The following UROS variants were observed in gnomAD, a reference collection of about 807,000 sequenced individuals.
UROS encodes uroporphyrinogen-III synthase.
A neutral mutation model predicts 33.0 loss-of-function variants in UROS; 18 were observed. That is an observed-to-expected ratio of 0.55 (90% CI 0.38 to 0.81). The LOEUF is 0.81. Among genes scored for constraint, UROS ranks in the 30% least tolerant of loss-of-function variants. UROS has a pLI of 0.00. For missense variants in UROS, 293 were observed against 314.9 expected, an observed-to-expected ratio of 0.93 and a Z score of 0.53; for synonymous variants, 114 against 121.1, an observed-to-expected ratio of 0.94 and a Z score of 0.38.
At chr10:125,822,279 C>T (rs1227772628) in intron 1 of UROS, among the ~76,000 whole-genome samples, 4 of 151,932 alleles carry the variant, frequency 2.6e-5, no homozygotes. Context: ...TCCAAATAGG[C>T]TCGGGTCTTT....
At chr10:125,792,664 CG>C (rs1172250275) in intron 9 of UROS, 1 of 152,228 alleles carries the variant, frequency 6.6e-6, no homozygotes, top group Admixed American at 6.5e-5. Flanking sequence ...AAGTTCAGGT[CG>C]GAAGTCACCC....
chr10:125,820,501 T>C (rs1265765814), intron 1 of UROS, among the ~76,000 whole-genome samples: 1 of 152,186 alleles, frequency 6.6e-6, no homozygotes, highest in African/African-American at 2.4e-5. Flanking sequence ...AGTCTATCCA[T>C]TCAAATGCTC....
intron 9 of UROS, chr10:125,793,039 G>A (rs1489860802): frequency 3.9e-5 from 6 of 152,198 alleles, no homozygotes; most frequent in African/African-American, 1.4e-4. Flanking sequence ...GAGGCGAGGG[G>A]GCTACTGAGA....
At chr10:125,796,651 G>T in intron 7 of UROS, 1 of 495,898 alleles carries the variant, frequency 2.0e-6, no homozygotes, top group Non-Finnish European at 2.6e-6. Context: ...CCCTCTCTGG[G>T]CCTCAGTGTG....
intron 1 of UROS, among the ~76,000 whole-genome samples, chr10:125,820,260 G>C (rs1853757154): frequency 6.6e-6 from 1 of 152,226 alleles, no homozygotes; most frequent in South Asian, 2.1e-4. Flanking sequence ...CTGGAGACTT[G>C]TTAGCAGGAA....
chr10:125,815,094 T>C lies in UROS; in HGVS notation c.184A>G (p.Thr62Ala), dbSNP rs28941775. The C allele has an allele frequency of 4.3e-6, 7 of 1,614,176 alleles. No individual in the cohort carries two copies. In the East Asian group the frequency reaches 8.9e-5, roughly 21 times the overall value. Residue 62 changes from threonine to alanine, a missense_variant, in exon 4 of 10, where the codon ACC becomes GCC. Physicochemically the swap from Thr to Ala is moderately conservative, Grantham distance 58. Coordinates refer to ENST00000368797, the MANE Select transcript of UROS (RefSeq NM_000375.3). Reference sequence around the variant, plus strand: ...GCTGCTTCCACTGCTCTGGGGCTGGTAAAAATGAGTCCCCCGTAATCTTCA... The same window carrying C: ...GCTGCTTCCACTGCTCTGGGGCTGGCAAAAATGAGTCCCCCGTAATCTTCA... ...HPEDYGGLIF[T>A]SPRAVEAAEL...
At chr10:125,798,459 T>C (rs952542088) in intron 6 of UROS, among the ~76,000 whole-genome samples, 10 of 152,228 alleles carry the variant, frequency 6.6e-5, no homozygotes, top group African/African-American at 2.2e-4. Flanking sequence ...GCAGTCACTA[T>C]TTAGAAGGCA....
chr10:125,816,878 T>C (rs771752905), intron 1 of UROS, among the ~76,000 whole-genome samples: 12 of 152,352 alleles, frequency 7.9e-5, no homozygotes, highest in Non-Finnish European at 1.6e-4. Flanking sequence ...TTTAAGGAGA[T>C]AAATAGCTTT....
intron 1 of UROS, among the ~76,000 whole-genome samples, chr10:125,817,511 T>C (rs925035537): frequency 2.0e-5 from 3 of 152,188 alleles, no homozygotes; most frequent in South Asian, 4.1e-4. Context: ...AGCTCTGGTC[T>C]CAGCTTTATG....
chr10:125,807,576 T>C, intron 5 of UROS, 89 bp from the exon 6 acceptor site: 1 of 983,010 alleles, frequency 1.0e-6, no homozygotes, highest in Non-Finnish European at 1.6e-6. Flanking sequence ...AATACACAGG[T>C]ATGCAGTTTA....
chr10:125,802,931 G>T (rs992044023), intron 6 of UROS: 220 of 1,611,370 alleles, frequency 1.4e-4, no homozygotes, highest in Non-Finnish European at 1.7e-4. Context: ...CAAGGATGCG[G>T]CTAAACCCCA....
intron 5 of UROS, among the ~76,000 whole-genome samples, chr10:125,810,365 C>T (rs1024854398): frequency 6.6e-6 from 1 of 152,184 alleles, no homozygotes; most frequent in Non-Finnish European, 1.5e-5. Context: ...GTAGCCCTCT[C>T]GGGAGGCCCA....
chr10:125,807,312 C>G (rs191886225), intron 6 of UROS, 101 bp downstream of exon 6: 734 of 1,029,600 alleles, frequency 7.1e-4, no homozygotes, highest in Non-Finnish European at 9.9e-4. Context: ...ATCAATCTCA[C>G]CACCAAGAAT....
intron 1 of UROS, among the ~76,000 whole-genome samples, chr10:125,819,453 A>C (rs942580321): frequency 2.6e-5 from 4 of 152,152 alleles, no homozygotes; most frequent in South Asian, 2.1e-4. Flanking sequence ...TCAGATGGTA[A>C]GGGATCTCTA....
In UROS at chr10:125,789,795, C is replaced by T. The variant is rs189582413; in HGVS notation, c.661-790G>A. ...GAGCACTGCTTCTGTCCCGGCTCTGCCCCCTGCTAGCTGTTATTAGTGCAA... is the reference window on the plus strand; with the variant it reads ...GAGCACTGCTTCTGTCCCGGCTCTGTCCCCTGCTAGCTGTTATTAGTGCAA... On this transcript the variant is annotated intron_variant, in intron 9 of 9. Transcript: ENST00000368797. 1.6e-4 allele frequency among the ~76,000 whole-genome samples: 25 copies of T among 152,306 alleles called. No individual in the cohort carries two copies. The East Asian group carries it at 4.6e-3, about 28-fold the overall frequency.
At chr10:125,785,295 G>A (rs1044046858), downstream of UROS, 1 of 152,184 alleles carries the variant, frequency 6.6e-6, no homozygotes, top group African/African-American at 2.4e-5. Flanking sequence ...TGATGTCAGA[G>A]GTGTGCATCT....
chr10:125,788,734 C>T lies in UROS; in HGVS notation c.*134G>A, dbSNP rs1019448325. 2.1e-6 allele frequency: 3 copies of T among 1,448,538 alleles called. No individual in the cohort carries two copies. The highest frequency in any genetic ancestry group is 2.5e-5 in the East Asian group (1 of 40,140). The allele number at this position is 1,448,538 out of a possible 1,614,324, so 89.7% of individuals were successfully genotyped here. On this transcript the variant is annotated 3_prime_UTR_variant, in exon 10 of 10. Coordinates refer to ENST00000368797, the MANE Select transcript of UROS (RefSeq NM_000375.3). ...CCAGGTCAGGTCCCGATCCCCGGTC[C>T]TCAGGTGCTTCCACTCAGGCTTGAG...
intron 7 of UROS, 120 bp from the exon 8 acceptor site, chr10:125,796,308 G>A: frequency 9.9e-7 from 1 of 1,011,788 alleles, no homozygotes; most frequent in Non-Finnish European, 1.6e-6. Context: ...GGAACGAGCT[G>A]CTTGGAAGCT....
intron 1 of UROS, among the ~76,000 whole-genome samples, chr10:125,821,626 G>A (rs1218194224): frequency 2.6e-5 from 4 of 152,182 alleles, no homozygotes; most frequent in African/African-American, 9.7e-5. Context: ...TGTATGTTAT[G>A]TATCTTTTAC....
Sources: gnomAD v4.1 joint callset for allele counts (sites outside exome capture counted in the v4.1 genomes callset) on GRCh38, gnomAD v4.1.1 for gene constraint, MANE v1.5 for transcripts, NCBI Gene and HGNC (gene_info 2026-07-23, HGNC 2026-07-21) for gene names.